The following UBASH3B variants were observed in gnomAD, a reference collection of about 807,000 sequenced individuals.
UBASH3B encodes ubiquitin-associated and SH3 domain-containing protein B.
UBASH3B carries 37 observed loss-of-function variants against 83.4 expected under a neutral mutation model. The ratio of observed to expected loss-of-function variants is 0.44; its 90% CI spans 0.34 to 0.58. UBASH3B has a LOEUF of 0.58. Among genes scored for constraint, UBASH3B ranks in the 20% least tolerant of loss-of-function variants. The probability of loss-of-function intolerance (pLI) is 0.01; values close to 1 mark genes in which losing one functional copy is unlikely to be tolerated. For synonymous variants in UBASH3B, 304 were observed against 318.3 expected, an observed-to-expected ratio of 0.96 and a Z score of 0.48; for missense variants, 657 against 827.2, an observed-to-expected ratio of 0.79 and a Z score of 2.52.
intron 1 of UBASH3B, among the ~76,000 whole-genome samples, chr11:122,727,030 T>G (rs1028229269): frequency 6.6e-6 from 1 of 152,238 alleles, no homozygotes; most frequent in East Asian, 1.9e-4. Context: ...AGGATTCCGA[T>G]TGCTAATTGT....
intron 1 of UBASH3B, among the ~76,000 whole-genome samples, chr11:122,762,140 C>T (rs780765614): frequency 4.6e-5 from 7 of 152,200 alleles, no homozygotes; most frequent in South Asian, 2.1e-4. Flanking sequence ...ACTTTTGCAC[C>T]GACCTAATAA....
At chr11:122,689,017 C>A (rs1018400142) in intron 1 of UBASH3B, among the ~76,000 whole-genome samples, 2 of 146,656 alleles carry the variant, frequency 1.4e-5, no homozygotes, top group African/African-American at 5.3e-5. Context: ...CCAGGCTGGT[C>A]TCGAACTCCT....
chr11:122,785,672 G>A (rs1860935011), intron 5 of UBASH3B, among the ~76,000 whole-genome samples: 1 of 152,186 alleles, frequency 6.6e-6, no homozygotes. Context: ...AGCACACTTG[G>A]CTTCAAATCC....
At chr11:122,773,517 T>C (rs7102875) in intron 1 of UBASH3B, among the ~76,000 whole-genome samples, 299 of 152,304 alleles carry the variant, frequency 2.0e-3, no homozygotes, top group African/African-American at 7.0e-3. Flanking sequence ...TTAAAGTACA[T>C]GGCTGTCAGA....
chr11:122,804,466 G>A, intron 11 of UBASH3B, among the ~76,000 whole-genome samples: 1 of 152,190 alleles, frequency 6.6e-6, no homozygotes, highest in Non-Finnish European at 1.5e-5. Flanking sequence ...GGCACTGTCA[G>A]AAGCTGTGTG....
intron 12 of UBASH3B, among the ~76,000 whole-genome samples, chr11:122,807,479 G>C (rs1804846009): frequency 6.6e-6 from 1 of 152,174 alleles, no homozygotes; most frequent in South Asian, 2.1e-4. Flanking sequence ...ATTGGAGGGG[G>C]ATGGGATGAA....
chr11:122,711,296 G>C (rs1261076116), intron 1 of UBASH3B, among the ~76,000 whole-genome samples: 1 of 152,240 alleles, frequency 6.6e-6, no homozygotes, highest in Non-Finnish European at 1.5e-5. Context: ...AATCATTTTA[G>C]TGCTTAGGGA....
chr11:122,760,554 G>A (rs556320015), intron 1 of UBASH3B, among the ~76,000 whole-genome samples: 1 of 152,076 alleles, frequency 6.6e-6, no homozygotes, highest in Non-Finnish European at 1.5e-5. Flanking sequence ...GTAGAGACGG[G>A]GTTTCACCAG....
chr11:122,720,694 C>T (rs1860610711), intron 1 of UBASH3B, among the ~76,000 whole-genome samples: 1 of 152,164 alleles, frequency 6.6e-6, no homozygotes, highest in Admixed American at 6.5e-5. Context: ...TTTGTGCTTG[C>T]TCTTCCAGGA....
chr11:122,766,836 T>A (rs896682295), intron 1 of UBASH3B, among the ~76,000 whole-genome samples: 3 of 152,276 alleles, frequency 2.0e-5, no homozygotes, highest in African/African-American at 7.2e-5. Context: ...TGCATTTGCA[T>A]GGGCATATTT....
chr11:122,664,674 G>A (rs890011628), intron 1 of UBASH3B, among the ~76,000 whole-genome samples: 1 of 152,180 alleles, frequency 6.6e-6, no homozygotes, highest in Non-Finnish European at 1.5e-5. Context: ...TTTTCCTGGT[G>A]ACTTTGCAGT....
rs1186979319 is a variant in UBASH3B at position 122,811,698 on chromosome 11, T to C, written c.*1812T>C. On this transcript the variant is annotated 3_prime_UTR_variant, in exon 14 of 14. Transcript: ENST00000284273. ...TACATTTTGAGAAACAAATCAATCATGGTTTCTTCTAGCGTTGCGCAAACA... is the reference window on the plus strand; with the variant it reads ...TACATTTTGAGAAACAAATCAATCACGGTTTCTTCTAGCGTTGCGCAAACA... 2 of 152,306 alleles carry C rather than the reference T, an allele frequency of 1.3e-5. No individual in the cohort carries two copies. Among genetic ancestry groups the C allele is most frequent in the East Asian group, 3.9e-4 (2 of 5,178 alleles). 9.4% of individuals were successfully genotyped at this position (152,306 alleles called of 1,614,324 possible). A position where few individuals can be genotyped will look rare whatever the true frequency, so the allele number is the denominator to read the frequency against.
chr11:122,738,942 G>C (rs866649394), intron 1 of UBASH3B, among the ~76,000 whole-genome samples: 1 of 151,608 alleles, frequency 6.6e-6, no homozygotes, highest in Non-Finnish European at 1.5e-5. Context: ...ATTTTGCTTT[G>C]TGTGGATATA....
intron 1 of UBASH3B, among the ~76,000 whole-genome samples, chr11:122,699,327 T>C (rs1864003882): frequency 6.6e-6 from 1 of 152,184 alleles, no homozygotes; most frequent in Non-Finnish European, 1.5e-5. Flanking sequence ...CAGAGGAGTG[T>C]GGCACGTGGA....
At chr11:122,753,576 A>C (rs1363494084) in intron 1 of UBASH3B, among the ~76,000 whole-genome samples, 3 of 143,378 alleles carry the variant, frequency 2.1e-5, no homozygotes, top group Non-Finnish European at 3.0e-5. Flanking sequence ...AGCTCACTGC[A>C]ACCTCCTCCT....
At chr11:122,718,221 G>A (rs557423220) in intron 1 of UBASH3B, among the ~76,000 whole-genome samples, 2 of 152,106 alleles carry the variant, frequency 1.3e-5, no homozygotes, top group Admixed American at 6.5e-5. Flanking sequence ...CACCATGCCC[G>A]GCCTCACCCA....
At position 122,794,840 on chromosome 11, in the gene UBASH3B, G is replaced by A; in HGVS notation, c.1113+6G>A. ...TCATCTGCCAGCCCATGCAGGTAAG[G>A]CTGATTGCTAGGGTCACACCCCCAA... On this transcript the variant is annotated splice_donor_region_variant and intron_variant, in intron 7 of 13. Coordinates refer to ENST00000284273, the MANE Select transcript of UBASH3B (RefSeq NM_032873.5). The A allele has an allele frequency of 6.2e-7, 1 of 1,613,488 alleles. No individual in the cohort carries two copies. The highest frequency in any genetic ancestry group is 8.5e-7 in the Non-Finnish European group (1 of 1,179,944).
At chr11:122,721,991 T>C (rs1483126539) in intron 1 of UBASH3B, among the ~76,000 whole-genome samples, 2 of 152,234 alleles carry the variant, frequency 1.3e-5, no homozygotes, top group Non-Finnish European at 2.9e-5. Flanking sequence ...CTTGGGAGAA[T>C]GTTCATATCT....
intron 1 of UBASH3B, among the ~76,000 whole-genome samples, chr11:122,669,601 G>A (rs1299493741): frequency 6.6e-6 from 1 of 152,128 alleles, no homozygotes; most frequent in African/African-American, 2.4e-5. Flanking sequence ...TTTCCCCTGA[G>A]TTCATGACAT....
Sources: gnomAD v4.1 joint callset for allele counts (sites outside exome capture counted in the v4.1 genomes callset) on GRCh38, gnomAD v4.1.1 for gene constraint, MANE v1.5 for transcripts, NCBI Gene and HGNC (gene_info 2026-07-23, HGNC 2026-07-21) for gene names.